SULT4A1: variants seen among roughly 807,000 people sequenced by gnomAD.
SULT4A1 encodes the protein sulfotransferase 4A1.
In SULT4A1, 11 loss-of-function variants were observed where a neutral mutation model predicts 35.2. The observed-to-expected ratio is 0.31, with a 90% confidence interval of 0.20 to 0.52. The LOEUF is 0.52. Among genes scored for constraint, SULT4A1 ranks in the 20% least tolerant of loss-of-function variants. The pLI, the probability that SULT4A1 is intolerant of heterozygous loss-of-function variation, is 0.97. For synonymous variants in SULT4A1, 152 were observed against 151.8 expected (o/e 1.00, Z -0.01); for missense variants, 271 against 383.7 (o/e 0.71, Z 2.45).
chr22:43,856,987 G>A (rs1231958144), intron 1 of SULT4A1, among the ~76,000 whole-genome samples: 2 of 152,106 alleles, frequency 1.3e-5, no homozygotes, highest in African/African-American at 2.4e-5. Context: ...GCAATCAACA[G>A]AATTAGACTC....
intron 2 of SULT4A1, among the ~76,000 whole-genome samples, chr22:43,841,334 T>C (rs894427448): frequency 1.3e-5 from 2 of 152,114 alleles, no homozygotes; most frequent in Non-Finnish European, 2.9e-5. Flanking sequence ...TTCTGGCCCA[T>C]TCAGGTGTGA....
chr22:43,826,322 C>T (rs1398205374), intron 6 of SULT4A1: 2 of 985,318 alleles, frequency 2.0e-6, no homozygotes, highest in Non-Finnish European at 2.4e-6. Context: ...AGAACATGAC[C>T]TGAACCAGCT....
intron 2 of SULT4A1, among the ~76,000 whole-genome samples, chr22:43,841,107 G>C (rs145565873): frequency 6.6e-6 from 1 of 152,236 alleles, no homozygotes; most frequent in Non-Finnish European, 1.5e-5. Context: ...AGTACGGAAC[G>C]ACTCCCAGAT....
chr22:43,848,094 C>T (rs564207981), intron 1 of SULT4A1, among the ~76,000 whole-genome samples: 13 of 152,060 alleles, frequency 8.5e-5, no homozygotes, highest in Non-Finnish European at 1.6e-4. Flanking sequence ...ACCCACCCAG[C>T]GAGCCTTTTA....
intron 1 of SULT4A1, among the ~76,000 whole-genome samples, chr22:43,854,546 C>T (rs1368767052): frequency 6.6e-6 from 1 of 152,214 alleles, no homozygotes; most frequent in African/African-American, 2.4e-5. Flanking sequence ...TGCCCACCTA[C>T]ACCCCTCAGC....
At chr22:43,830,733 A>G (rs1184254952) in intron 5 of SULT4A1, among the ~76,000 whole-genome samples, 1 of 152,174 alleles carries the variant, frequency 6.6e-6, no homozygotes, top group Admixed American at 6.5e-5. Flanking sequence ...TGCCTGGCAC[A>G]GTGCCCGGCT....
At chr22:43,832,405 G>A (rs2063331706) in intron 5 of SULT4A1, among the ~76,000 whole-genome samples, 1 of 152,182 alleles carries the variant, frequency 6.6e-6, no homozygotes, top group Non-Finnish European at 1.5e-5. Context: ...GCGCCAGCCG[G>A]CAGCAGACCT....
chr22:43,836,264 T>C (rs2063372769), intron 4 of SULT4A1, among the ~76,000 whole-genome samples: 1 of 126,878 alleles, frequency 7.9e-6, no homozygotes, highest in South Asian at 2.6e-4. Flanking sequence ...GGAGCCTGTC[T>C]ACACAGCGTC....
At chr22:43,861,058 G>A (rs1350000471) in intron 1 of SULT4A1, among the ~76,000 whole-genome samples, 1 of 152,196 alleles carries the variant, frequency 6.6e-6, no homozygotes, top group Non-Finnish European at 1.5e-5. Context: ...GACACGCTTA[G>A]CCATTCCTAA....
At position 43,829,076 on chromosome 22, in the gene SULT4A1, G is replaced by C; in HGVS notation, c.726C>G (p.Ala242=). The change falls in exon 6 of 7, where the codon GCC becomes GCG. Residue 242 remains alanine, a synonymous_variant. Transcript: ENST00000330884. The part of the protein sequence containing the change: ...QLVDQCCNAE[A]LPVGRGRVGL... ...GGCACGTACCCCGGCCCACGGGCAG[G>C]GCCTCAGCGTTGCAGCACTGGTCCA... 1 of 1,540,760 alleles carries C rather than the reference G, an allele frequency of 6.5e-7. No individual in the cohort carries two copies.
chr22:43,845,176 A>G (rs973373059), intron 1 of SULT4A1, among the ~76,000 whole-genome samples: 1 of 152,032 alleles, frequency 6.6e-6, no homozygotes, highest in Admixed American at 6.5e-5. Context: ...CGGCGGCTCC[A>G]GTTTCTGCCA....
chr22:43,825,189 A>G lies in SULT4A1; in HGVS notation c.*812T>C, dbSNP rs1329362897. The G allele has an allele frequency of 1.3e-5, 2 of 152,232 alleles. No individual in the cohort carries two copies. Among genetic ancestry groups the G allele is most frequent in the Non-Finnish European group, 2.9e-5 (2 of 68,048 alleles). 9.4% of individuals were successfully genotyped at this position (152,232 alleles called of 1,614,324 possible). A position where few individuals can be genotyped will look rare whatever the true frequency, so the allele number is the denominator to read the frequency against. On this transcript the variant is annotated 3_prime_UTR_variant, in exon 7 of 7. Coordinates refer to ENST00000330884, the MANE Select transcript of SULT4A1 (RefSeq NM_014351.4). ...AAAGTAAGGCTGTGGAATTCAGCTCAAATTCCGAGCGCAACTCGGTCCTTT... is the reference window on the plus strand; with the variant it reads ...AAAGTAAGGCTGTGGAATTCAGCTCGAATTCCGAGCGCAACTCGGTCCTTT...
intron 2 of SULT4A1, among the ~76,000 whole-genome samples, chr22:43,841,069 C>A (rs1303698579): frequency 1.3e-5 from 2 of 152,256 alleles, no homozygotes; most frequent in African/African-American, 2.4e-5. Context: ...AAGAGCAGTG[C>A]CTTGAACGCG....
At chr22:43,850,794 G>A (rs977251920) in intron 1 of SULT4A1, among the ~76,000 whole-genome samples, 1 of 152,100 alleles carries the variant, frequency 6.6e-6, no homozygotes, top group Non-Finnish European at 1.5e-5. Flanking sequence ...GGACAGTCTG[G>A]TCGGGTACAG....
rs2063278404 is a variant in SULT4A1 at position 43,825,203 on chromosome 22, A to G, written c.*798T>C. 1 of 152,156 alleles carries G rather than the reference A, an allele frequency of 6.6e-6. No individual in the cohort carries two copies. The highest frequency in any genetic ancestry group is 2.1e-4 in the South Asian group (1 of 4,824). The allele number at this position is 152,156 out of a possible 1,614,324, so 9.4% of individuals were successfully genotyped here. On this transcript the variant is annotated 3_prime_UTR_variant, in exon 7 of 7. Coordinates refer to ENST00000330884, the MANE Select transcript of SULT4A1 (RefSeq NM_014351.4). ...GAATTCAGCTCAAATTCCGAGCGCA[A>G]CTCGGTCCTTTGGTGGCCGACTCTC...
At chr22:43,852,611 G>A (rs761481901) in intron 1 of SULT4A1, among the ~76,000 whole-genome samples, 7 of 152,050 alleles carry the variant, frequency 4.6e-5, no homozygotes, top group Non-Finnish European at 8.8e-5. Context: ...AAAAGGAAAA[G>A]GAAAAGGTGA....
intron 5 of SULT4A1, among the ~76,000 whole-genome samples, chr22:43,830,416 C>T (rs2063317077): frequency 6.6e-6 from 1 of 152,222 alleles, no homozygotes; most frequent in Non-Finnish European, 1.5e-5. Context: ...GCGTTTCTGC[C>T]AGGCTACATC....
chr22:43,842,716 A>C (rs558955236), intron 1 of SULT4A1, among the ~76,000 whole-genome samples: 1 of 152,280 alleles, frequency 6.6e-6, no homozygotes, highest in South Asian at 2.1e-4. Flanking sequence ...AGGATGGGCA[A>C]AACTCAACTA....
rs547129959 is a variant in SULT4A1, at chr22:43,843,902, A to G, written c.170-1970T>C. Among the ~76,000 whole-genome samples, 11 of 152,362 alleles carry G rather than the reference A, an allele frequency of 7.2e-5. No individual in the cohort carries two copies. In the South Asian group the frequency reaches 2.3e-3, roughly 32 times the overall value. On this transcript the variant is annotated intron_variant, in intron 1 of 6. Transcript: ENST00000330884. ...AACCCCAATTTATAGCCAGTGGGTG[A>G]GACACACAGGCAAAACAACCTGGGG...
Sources: allele counts gnomAD v4.1 joint callset (sites outside exome capture counted in the v4.1 genomes callset), GRCh38; gene constraint gnomAD v4.1.1; transcripts MANE v1.5; gene names NCBI Gene and HGNC (gene_info 2026-07-23, HGNC 2026-07-21).